The following KIF6 variants were observed in gnomAD, a reference collection of about 807,000 sequenced individuals.
The protein encoded by KIF6 is kinesin family member 6.
Under a neutral mutation model 112.7 loss-of-function variants are expected in KIF6, and 106 were observed. The observed-to-expected ratio is 0.94, with a 90% CI of 0.80 to 1.11. KIF6 has a LOEUF of 1.11. Among genes scored for constraint, KIF6 ranks in the 50% least tolerant of loss-of-function variants. KIF6 has a pLI of 0.00. For synonymous variants in KIF6, 339 were observed against 339.9 expected (o/e 1.00, Z 0.03); for missense variants, 929 against 964.0 (o/e 0.96, Z 0.48).
chr6:39,659,304 G>A (rs34425374), intron 3 of KIF6, among the ~76,000 whole-genome samples: 18,257 of 152,116 alleles, frequency 0.12, 1,520 homozygotes, highest in South Asian at 0.24. Flanking sequence ...ATTTTGTTAC[G>A]GTATTTGGAA....
chr6:39,341,691 C>T (rs1345253390), intron 22 of KIF6, among the ~76,000 whole-genome samples: 1 of 152,180 alleles, frequency 6.6e-6, no homozygotes, highest in Admixed American at 6.5e-5. Context: ...TCCATCCCTC[C>T]AGCTCCTTGC....
At chr6:39,478,117 A>C (rs914277375) in intron 13 of KIF6, among the ~76,000 whole-genome samples, 5 of 152,036 alleles carry the variant, frequency 3.3e-5, no homozygotes, top group Non-Finnish European at 1.5e-5. Context: ...TCCAGTGGTA[A>C]TTTGTGAGAT....
intron 13 of KIF6, among the ~76,000 whole-genome samples, chr6:39,482,005 G>GGC (rs1244349439): frequency 5.8e-5 from 7 of 121,250 alleles, no homozygotes; most frequent in South Asian, 2.7e-4. Flanking sequence ...GGGACCTTTA[G>GGC]GCACACACAC....
chr6:39,454,668 G>A (rs886815990), intron 13 of KIF6, among the ~76,000 whole-genome samples: 7 of 152,268 alleles, frequency 4.6e-5, no homozygotes, highest in South Asian at 2.1e-4. Context: ...TGCGCACACC[G>A]TGCGCGAGCC....
intron 15 of KIF6, among the ~76,000 whole-genome samples, chr6:39,397,853 G>A (rs1020621469): frequency 1.3e-5 from 2 of 152,180 alleles, no homozygotes; most frequent in Non-Finnish European, 2.9e-5. Context: ...ACGATTTTGG[G>A]TGCTGTGTCT....
intron 3 of KIF6, among the ~76,000 whole-genome samples, chr6:39,714,120 T>A (rs191169871): frequency 1.3e-5 from 2 of 152,218 alleles, no homozygotes. Context: ...TGAATTCCTA[T>A]TAATAAATTG....
chr6:39,506,660 T>C (rs1776444739), intron 13 of KIF6, among the ~76,000 whole-genome samples: 1 of 152,152 alleles, frequency 6.6e-6, no homozygotes, highest in African/African-American at 2.4e-5. Context: ...TTGACCCCAG[T>C]TCCTGATACA....
chr6:39,358,141 C>A (rs1764855875), intron 18 of KIF6, among the ~76,000 whole-genome samples: 1 of 152,222 alleles, frequency 6.6e-6, no homozygotes, highest in African/African-American at 2.4e-5. Flanking sequence ...AGGCATAGAT[C>A]ACAGCTGGTC....
In KIF6 at chr6:39,596,041, C is replaced by T. The variant is rs1782234569; in HGVS notation, c.846+13G>A. On this transcript the variant is annotated intron_variant, in intron 7 of 22. Coordinates refer to ENST00000287152, the MANE Select transcript of KIF6 (RefSeq NM_145027.6). ...GCTATAGTTATTAATACATCCCACT[C>T]TGCCCATTTTACCTGTTCTAAGTAA... 1.2e-6 allele frequency: 2 copies of T among 1,604,662 alleles called. No homozygotes were observed. Among genetic ancestry groups the T allele is most frequent in the African/African-American group, 2.7e-5 (2 of 74,762 alleles).
At chr6:39,522,576 C>T (rs1172577743) in intron 13 of KIF6, among the ~76,000 whole-genome samples, 4 of 152,174 alleles carry the variant, frequency 2.6e-5, no homozygotes, top group Non-Finnish European at 4.4e-5. Flanking sequence ...TTTCTGCCTG[C>T]CCCTACACTC....
chr6:39,594,873 A>G (rs1422297942), intron 7 of KIF6, among the ~76,000 whole-genome samples: 1 of 151,994 alleles, frequency 6.6e-6, no homozygotes, highest in African/African-American at 2.4e-5. Flanking sequence ...ATTTGGAAGT[A>G]GTTGCCATCT....
chr6:39,707,313 C>T (rs1045436240), intron 3 of KIF6, among the ~76,000 whole-genome samples: 5 of 152,250 alleles, frequency 3.3e-5, no homozygotes, highest in South Asian at 2.1e-4. Flanking sequence ...GGTATCTGGA[C>T]GGAGTAAGGC....
intron 13 of KIF6, among the ~76,000 whole-genome samples, chr6:39,532,662 G>T (rs1390253665): frequency 6.6e-6 from 1 of 152,188 alleles, no homozygotes; most frequent in Non-Finnish European, 1.5e-5. Flanking sequence ...GTCACAAAAT[G>T]TATTTCCATG....
intron 3 of KIF6, chr6:39,691,394 T>C (rs185235156): frequency 2.8e-4 from 42 of 152,352 alleles, no homozygotes; most frequent in African/African-American, 9.4e-4. Flanking sequence ...ATATAAAAAC[T>C]TCTGCTCACT....
chr6:39,493,484 G>C (rs185524067), intron 13 of KIF6, among the ~76,000 whole-genome samples: 1 of 152,052 alleles, frequency 6.6e-6, no homozygotes. Context: ...GTTTCCCTTT[G>C]TACTCACTAG....
chr6:39,591,884 G>A (rs893219125), intron 7 of KIF6, among the ~76,000 whole-genome samples: 35 of 152,136 alleles, frequency 2.3e-4, no homozygotes, highest in Admixed American at 1.9e-3. Flanking sequence ...AGGCTGAGGC[G>A]GGCGGATCAC....
chr6:39,338,989 G>A (rs147271213), intron 22 of KIF6, among the ~76,000 whole-genome samples: 2 of 152,048 alleles, frequency 1.3e-5, no homozygotes, highest in South Asian at 2.1e-4. Flanking sequence ...TACAGAATAG[G>A]GGGGAGAGCA....
At chr6:39,385,421 C>T (rs1004677935) in intron 16 of KIF6, among the ~76,000 whole-genome samples, 2 of 152,026 alleles carry the variant, frequency 1.3e-5, no homozygotes, top group African/African-American at 4.8e-5. Flanking sequence ...TGCTGATGGC[C>T]AGGCGCAAGA....
chr6:39,349,347 G>A (rs896370901), intron 19 of KIF6, among the ~76,000 whole-genome samples: 6 of 152,124 alleles, frequency 3.9e-5, no homozygotes, highest in African/African-American at 1.2e-4. Flanking sequence ...CGGAGATGCC[G>A]GCGGATAAAG....
Sources: allele counts gnomAD v4.1 joint callset (sites outside exome capture counted in the v4.1 genomes callset), GRCh38; gene constraint gnomAD v4.1.1; transcripts MANE v1.5; gene names NCBI Gene and HGNC (gene_info 2026-07-23, HGNC 2026-07-21).